The following SLC39A11 variants were observed in gnomAD, a reference collection of about 807,000 sequenced individuals.
SLC39A11 encodes the protein solute carrier family 39 member 11, also known as zinc transporter ZIP11.
In SLC39A11, 33 loss-of-function variants were observed where a neutral mutation model predicts 36.1. The ratio of observed to expected loss-of-function variants is 0.91; its 90% confidence interval spans 0.69 to 1.22. The LOEUF (loss-of-function observed/expected upper bound fraction) is 1.22. SLC39A11 is among the 50% of genes most tolerant of loss of function. The pLI, the probability that SLC39A11 is intolerant of heterozygous loss-of-function variation, is 0.00. For synonymous variants in SLC39A11, 166 were observed against 170.3 expected (o/e 0.97, Z 0.20); for missense variants, 432 against 430.3 (o/e 1.00, Z -0.03).
At chr17:73,065,360 G>A (rs1185485071) in intron 3 of SLC39A11, among the ~76,000 whole-genome samples, 4 of 152,132 alleles carry the variant, frequency 2.6e-5, no homozygotes, top group South Asian at 2.1e-4. Context: ...AGCTGAGATC[G>A]CACCACTACA....
At chr17:73,038,755 G>C (rs1484200676) in intron 3 of SLC39A11, among the ~76,000 whole-genome samples, 1 of 130,122 alleles carries the variant, frequency 7.7e-6, no homozygotes, top group Non-Finnish European at 1.6e-5. Context: ...AGGGAGGAGG[G>C]AGGGAGGAGG....
At chr17:72,975,942 G>A (rs757606764) in intron 4 of SLC39A11, among the ~76,000 whole-genome samples, 30 of 151,576 alleles carry the variant, frequency 2.0e-4, no homozygotes, top group Admixed American at 3.3e-4. Flanking sequence ...AGGCTGAGGC[G>A]GGTGGATCAC....
intron 4 of SLC39A11, among the ~76,000 whole-genome samples, chr17:72,952,036 G>C (rs1017826389): frequency 6.6e-6 from 1 of 152,000 alleles, no homozygotes; most frequent in Non-Finnish European, 1.5e-5. Flanking sequence ...ACAGAGATCC[G>C]TTATCTCCAC....
intron 6 of SLC39A11, among the ~76,000 whole-genome samples, chr17:72,840,530 G>A (rs573858235): frequency 6.6e-6 from 1 of 152,306 alleles, no homozygotes; most frequent in Admixed American, 6.5e-5. Flanking sequence ...AAGCCAAGGT[G>A]GGCGGATCAC....
chr17:73,011,267 C>T (rs2090499458), intron 4 of SLC39A11, among the ~76,000 whole-genome samples: 1 of 152,184 alleles, frequency 6.6e-6, no homozygotes, highest in Admixed American at 6.5e-5. Context: ...AGAGCTGGCG[C>T]AAAGGCAGGG....
At chr17:72,702,254 T>G (rs905143741) in intron 7 of SLC39A11, among the ~76,000 whole-genome samples, 3 of 152,196 alleles carry the variant, frequency 2.0e-5, no homozygotes, top group East Asian at 1.9e-4. Flanking sequence ...GGCTACTGTT[T>G]TTTTCTTTAG....
Position 72,936,421 on chromosome 17 carries a change from A to AT in SLC39A11, c.430+11330_430+11331insA, listed in dbSNP as rs1213954580. 9.8e-4 allele frequency among the ~76,000 whole-genome samples: 143 copies of AT among 145,824 alleles called. 1 individual carries two copies. The highest frequency in any genetic ancestry group is 3.6e-3 in the African/African-American group (134 of 37,380). Reference sequence around the variant, plus strand: ...TCATCTGAAAAAAAGTAAAAAAAAAAAAAAAAAAAAAAAAAAAAAAATTCC... The same window carrying AT: ...TCATCTGAAAAAAAGTAAAAAAAAAATAAAAAAAAAAAAAAAAAAAAATTCC... On this transcript the variant is annotated intron_variant, in intron 5 of 9. Coordinates refer to ENST00000255559, the MANE Select transcript of SLC39A11 (RefSeq NM_139177.4).
chr17:72,971,169 A>C (rs1322171778), intron 4 of SLC39A11, among the ~76,000 whole-genome samples: 2 of 152,170 alleles, frequency 1.3e-5, no homozygotes, highest in African/African-American at 4.8e-5. Context: ...ATAACCACTC[A>C]TTTACTATGA....
At chr17:72,880,369 G>A (rs1238523148) in intron 5 of SLC39A11, among the ~76,000 whole-genome samples, 1 of 152,106 alleles carries the variant, frequency 6.6e-6, no homozygotes, top group Non-Finnish European at 1.5e-5. Context: ...AGGAGTCTGA[G>A]ACCAGCCTGG....
intron 5 of SLC39A11, among the ~76,000 whole-genome samples, chr17:72,910,345 C>T (rs1393833403): frequency 3.3e-5 from 5 of 151,700 alleles, no homozygotes; most frequent in Admixed American, 6.6e-5. Context: ...TAAAAGAAAC[C>T]GGGTGCGGTG....
chr17:72,723,413 C>A (rs979566531), intron 7 of SLC39A11, among the ~76,000 whole-genome samples: 1 of 151,632 alleles, frequency 6.6e-6, no homozygotes, highest in Non-Finnish European at 1.5e-5. Context: ...CAAAGGAAAA[C>A]CATCTTTCAG....
chr17:72,703,772 G>A (rs1263544676), intron 7 of SLC39A11, among the ~76,000 whole-genome samples: 1 of 152,228 alleles, frequency 6.6e-6, no homozygotes. Flanking sequence ...CTCTTTGGGA[G>A]AGGCTTAGAA....
intron 7 of SLC39A11, among the ~76,000 whole-genome samples, chr17:72,667,108 G>T (rs1042567826): frequency 6.6e-6 from 1 of 152,198 alleles, no homozygotes; most frequent in African/African-American, 2.4e-5. Flanking sequence ...CCTGCAAGGG[G>T]AGAATAAAGG....
intron 4 of SLC39A11, among the ~76,000 whole-genome samples, chr17:73,002,417 G>A (rs1262948878): frequency 6.6e-6 from 1 of 152,154 alleles, no homozygotes; most frequent in Non-Finnish European, 1.5e-5. Flanking sequence ...GGTAACTCTG[G>A]TGCCTCTTAA....
At chr17:72,657,214 G>T (rs1052180781) in intron 7 of SLC39A11, among the ~76,000 whole-genome samples, 1 of 152,062 alleles carries the variant, frequency 6.6e-6, no homozygotes, top group Non-Finnish European at 1.5e-5. Flanking sequence ...ACAAAAATTA[G>T]CCAGGCATGG....
intron 5 of SLC39A11, among the ~76,000 whole-genome samples, chr17:72,879,231 T>C (rs2081073274): frequency 6.6e-6 from 1 of 152,220 alleles, no homozygotes; most frequent in African/African-American, 2.4e-5. Flanking sequence ...ATTAAGTCAT[T>C]AGCCCAGAGG....
At chr17:73,078,088 A>G (rs1355796120) in intron 3 of SLC39A11, among the ~76,000 whole-genome samples, 11 of 151,974 alleles carry the variant, frequency 7.2e-5, no homozygotes, top group African/African-American at 2.7e-4. Flanking sequence ...AATACAAAAA[A>G]TTAGCCGGGT....
chr17:72,832,691 A>G (rs2078337867), intron 6 of SLC39A11, among the ~76,000 whole-genome samples: 1 of 152,256 alleles, frequency 6.6e-6, no homozygotes, highest in Non-Finnish European at 1.5e-5. Flanking sequence ...GGTTATTTGC[A>G]GAAAACTAGA....
At chr17:72,948,242 A>T (rs1483569327) in intron 4 of SLC39A11, among the ~76,000 whole-genome samples, 1 of 150,024 alleles carries the variant, frequency 6.7e-6, no homozygotes, top group African/African-American at 2.5e-5. Context: ...CCTCACACAC[A>T]CAAAACCCCA....
Sources: gnomAD v4.1 joint callset for allele counts (sites outside exome capture counted in the v4.1 genomes callset) on GRCh38, gnomAD v4.1.1 for gene constraint, MANE v1.5 for transcripts, NCBI Gene and HGNC (gene_info 2026-07-23, HGNC 2026-07-21) for gene names.